CERS6: variants seen among roughly 807,000 people sequenced by gnomAD.
The protein encoded by CERS6 is LAG1 homolog, ceramide synthase 6.
Under a neutral mutation model 56.8 loss-of-function variants are expected in CERS6, and 26 were observed. That is an observed-to-expected ratio of 0.46 (90% CI 0.34 to 0.63). CERS6 has a LOEUF of 0.63. Among genes scored for constraint, CERS6 ranks in the 30% least tolerant of loss-of-function variants. CERS6 has a pLI of 0.01. For missense variants in CERS6, 415 were observed against 467.5 expected (o/e 0.89, Z 1.04); for synonymous variants, 164 against 173.3 (o/e 0.95, Z 0.42).
Position 168,724,798 on chromosome 2 carries a change from C to T in CERS6, c.845+6820C>T, listed in dbSNP as rs1574193984. On this transcript the variant is annotated intron_variant, in intron 8 of 9. Coordinates refer to ENST00000305747, the MANE Select transcript of CERS6 (RefSeq NM_203463.3). The stretch of plus-strand genomic sequence containing the variant: ...CCCTGAGCTAGACATAAAGGTTCTC[C>T]AAGGCCCCACCAGACTCAGGAGCCC... 3.9e-5 allele frequency among the ~76,000 whole-genome samples: 6 copies of T among 152,362 alleles called. No individual in the cohort carries two copies. In the South Asian group the frequency reaches 1.2e-3, roughly 32 times the overall value.
chr2:168,601,310 G>A (rs1683927089), intron 3 of CERS6, among the ~76,000 whole-genome samples: 1 of 152,132 alleles, frequency 6.6e-6, no homozygotes, highest in South Asian at 2.1e-4. Flanking sequence ...GTGACTCTCA[G>A]TGCAACAGAT....
intron 8 of CERS6, among the ~76,000 whole-genome samples, chr2:168,738,453 C>CT (rs1683781718): frequency 6.6e-6 from 1 of 152,138 alleles, no homozygotes; most frequent in Admixed American, 6.5e-5. Context: ...TATATAATGA[C>CT]TTTTTTAACA....
At chr2:168,489,881 G>A (rs1165631148) in intron 1 of CERS6, among the ~76,000 whole-genome samples, 1 of 152,044 alleles carries the variant, frequency 6.6e-6, no homozygotes, top group East Asian at 1.9e-4. Context: ...CTTCGTATGT[G>A]GAATGATGTT....
At chr2:168,645,005 T>C (rs1348679041) in intron 4 of CERS6, among the ~76,000 whole-genome samples, 2 of 144,022 alleles carry the variant, frequency 1.4e-5, no homozygotes, top group Admixed American at 1.4e-4. Context: ...GGCAGGAGAA[T>C]TTCTTGAACC....
At chr2:168,693,504 C>CCAG (rs1161900793) in intron 5 of CERS6, among the ~76,000 whole-genome samples, 2 of 152,036 alleles carry the variant, frequency 1.3e-5, no homozygotes, top group Non-Finnish European at 2.9e-5. Context: ...GGGTCCTGAG[C>CCAG]CAGGGCCCGA....
intron 3 of CERS6, among the ~76,000 whole-genome samples, chr2:168,614,011 A>G (rs1482502685): frequency 1.3e-5 from 2 of 152,236 alleles, no homozygotes; most frequent in African/African-American, 4.8e-5. Context: ...GATTTTGTGA[A>G]ATGGCTTATT....
At chr2:168,463,147 C>T (rs996664988) in intron 1 of CERS6, among the ~76,000 whole-genome samples, 2 of 152,150 alleles carry the variant, frequency 1.3e-5, no homozygotes, top group East Asian at 1.9e-4. Flanking sequence ...AGGAAATACA[C>T]TTAACTTTAT....
At chr2:168,603,390 A>G (rs1352798443) in intron 3 of CERS6, among the ~76,000 whole-genome samples, 1 of 152,244 alleles carries the variant, frequency 6.6e-6, no homozygotes, top group African/African-American at 2.4e-5. Flanking sequence ...TGCAGCCTTT[A>G]TGGGAAATAA....
In CERS6 at chr2:168,584,951, A is replaced by G. The variant is rs564225666; in HGVS notation, c.407+23629A>G. ...GGATTTATGGCTGCACTCATTGTCA[A>G]TTTTTGAGCTCTCATTGAAAGAGAT... is the stretch of plus-strand genomic sequence containing the variant. On this transcript the variant is annotated intron_variant, in intron 3 of 9. Transcript: ENST00000305747. Among the ~76,000 whole-genome samples, 10 of 152,364 alleles carry G rather than the reference A, an allele frequency of 6.6e-5. No homozygotes were observed. In the East Asian group the frequency reaches 1.5e-3, roughly 23 times the overall value.
At chr2:168,582,927 A>G (rs1003330438) in intron 3 of CERS6, 2 of 154,400 alleles carry the variant, frequency 1.3e-5, no homozygotes, top group Non-Finnish European at 2.9e-5. Context: ...AAAGACATGA[A>G]AGCTATAGAT....
At chr2:168,644,864 T>C (rs1238676030) in intron 4 of CERS6, among the ~76,000 whole-genome samples, 3 of 151,406 alleles carry the variant, frequency 2.0e-5, no homozygotes, top group Non-Finnish European at 4.4e-5. Flanking sequence ...GAGGCCAAGA[T>C]GGGCAGATCA....
At chr2:168,631,185 C>T (rs1684708962) in intron 4 of CERS6, 143 bp downstream of exon 4, 2 of 482,690 alleles carry the variant, frequency 4.1e-6, no homozygotes, top group South Asian at 8.3e-5. Context: ...TTTCATTTGA[C>T]TTACAAAAAT....
At chr2:168,638,133 A>G (rs754545435) in intron 4 of CERS6, among the ~76,000 whole-genome samples, 46 of 152,156 alleles carry the variant, frequency 3.0e-4, no homozygotes, top group Non-Finnish European at 6.2e-4. Context: ...GCTACTTTCA[A>G]CTGAACTCAT....
chr2:168,764,269 A>G (rs976371111), intron 8 of CERS6, among the ~76,000 whole-genome samples: 1 of 151,964 alleles, frequency 6.6e-6, no homozygotes, highest in Admixed American at 6.6e-5. Flanking sequence ...CAGCCTCCCT[A>G]GTAGCTGGGA....
chr2:168,735,405 G>C (rs571876429), intron 8 of CERS6, among the ~76,000 whole-genome samples: 2 of 152,150 alleles, frequency 1.3e-5, no homozygotes, highest in East Asian at 3.9e-4. Context: ...TACAAGAACA[G>C]TTTTTTTCTG....
chr2:168,578,339 A>T (rs1683328357), intron 3 of CERS6, among the ~76,000 whole-genome samples: 1 of 152,170 alleles, frequency 6.6e-6, no homozygotes. Context: ...TACCATGTTC[A>T]TAAAGTACTT....
chr2:168,602,677 T>G (rs2105264407), intron 3 of CERS6, among the ~76,000 whole-genome samples: 1 of 152,352 alleles, frequency 6.6e-6, no homozygotes, highest in South Asian at 2.1e-4. Context: ...TTCATTAACC[T>G]CATGATTTGA....
chr2:168,488,696 T>G (rs777411428), intron 1 of CERS6, among the ~76,000 whole-genome samples: 3 of 152,150 alleles, frequency 2.0e-5, no homozygotes, highest in Non-Finnish European at 4.4e-5. Context: ...CCATATTAGC[T>G]ATTTTGCTAT....
At chr2:168,629,505 G>T (rs930236933) in intron 3 of CERS6, among the ~76,000 whole-genome samples, 1 of 152,144 alleles carries the variant, frequency 6.6e-6, no homozygotes, top group African/African-American at 2.4e-5. Flanking sequence ...GAGATCAAAG[G>T]ATATTAACAG....
Sources: allele counts gnomAD v4.1 joint callset (sites outside exome capture counted in the v4.1 genomes callset), GRCh38; gene constraint gnomAD v4.1.1; transcripts MANE v1.5; gene names NCBI Gene and HGNC (gene_info 2026-07-23, HGNC 2026-07-21).